OR2L13: variants seen among roughly 807,000 people sequenced by gnomAD.
OR2L13 encodes olfactory receptor 2L13.
In OR2L13, 14 loss-of-function variants were observed where a neutral mutation model predicts 15.3. That is an observed-to-expected ratio of 0.91 (90% CI 0.60 to 1.43). The LOEUF is 1.43. Ranked by LOEUF, OR2L13 falls within the 40% of genes most tolerant of loss-of-function variation. The pLI is 0.00. For synonymous variants in OR2L13, 152 were observed against 142.9 expected (o/e 1.06, Z -0.45); for missense variants, 367 against 387.9 (o/e 0.95, Z 0.45).
chr1:248,010,524 GT>G, the OR2L13 span, among the ~76,000 whole-genome samples: 1 of 152,028 alleles, frequency 6.6e-6, no homozygotes, highest in Non-Finnish European at 1.5e-5. Flanking sequence ...TGACAATGGG[GT>G]GTTAAAGTCT....
the OR2L13 span, among the ~76,000 whole-genome samples, chr1:248,002,888 C>T: frequency 1.3e-5 from 2 of 152,034 alleles, no homozygotes; most frequent in Non-Finnish European, 2.9e-5. Flanking sequence ...TGGATTCCCC[C>T]CTTTTCAATT....
the OR2L13 span, among the ~76,000 whole-genome samples, chr1:247,946,024 C>T: frequency 2.0e-5 from 3 of 152,054 alleles, no homozygotes; most frequent in Admixed American, 1.3e-4. Flanking sequence ...CTTCTTTAAT[C>T]GCTGTAATCA....
the OR2L13 span, among the ~76,000 whole-genome samples, chr1:248,069,754 G>A: frequency 6.6e-6 from 1 of 152,012 alleles, no homozygotes; most frequent in African/African-American, 2.4e-5. Context: ...GACACACATA[G>A]GCTCAAAATA....
the OR2L13 span, among the ~76,000 whole-genome samples, chr1:247,977,563 G>A: frequency 6.6e-6 from 1 of 152,070 alleles, no homozygotes; most frequent in Non-Finnish European, 1.5e-5. Flanking sequence ...ATAAAGTGAA[G>A]AAAACTAAAT....
the OR2L13 span, among the ~76,000 whole-genome samples, chr1:247,985,798 C>A: frequency 1.3e-5 from 2 of 152,074 alleles, no homozygotes; most frequent in Non-Finnish European, 2.9e-5. Flanking sequence ...TAATGATCGC[C>A]ATTCTAACTG....
At chr1:248,076,912 T>C in the OR2L13 span, among the ~76,000 whole-genome samples, 2 of 152,232 alleles carry the variant, frequency 1.3e-5, no homozygotes, top group African/African-American at 4.8e-5. Context: ...GGCATCCTTG[T>C]CTTGTGCCAG....
the OR2L13 span, among the ~76,000 whole-genome samples, chr1:248,066,270 T>C: frequency 6.6e-6 from 1 of 152,216 alleles, no homozygotes; most frequent in Non-Finnish European, 1.5e-5. Context: ...TGCTTTTCCC[T>C]CGTTAATCTG....
exon 3 of OR2L13, chr1:248,099,934 G>T (rs1664819645): frequency 6.2e-7 from 1 of 1,614,062 alleles, no homozygotes; most frequent in Middle Eastern, 1.7e-4. Context: ...GTTGCTTCTT[G>T]CCTGTACAGA....
chr1:247,971,313 G>A, the OR2L13 span, among the ~76,000 whole-genome samples: 5,523 of 152,162 alleles, frequency 0.036, 301 homozygotes, highest in African/African-American at 0.12. Flanking sequence ...CGAGATCCAG[G>A]TTGGCAGGTC....
chr1:247,953,497 ATCTT>A, the OR2L13 span, among the ~76,000 whole-genome samples: 2 of 152,222 alleles, frequency 1.3e-5, no homozygotes, highest in African/African-American at 2.4e-5. Flanking sequence ...AAGGATGAGT[ATCTT>A]TCTCATCACA....
At chr1:248,000,109 C>CT in the OR2L13 span, among the ~76,000 whole-genome samples, 836 of 123,910 alleles carry the variant, frequency 6.7e-3, 7 homozygotes, top group South Asian at 0.012. Flanking sequence ...CTTTTTCTTT[C>CT]TTTTTTTTTT....
At chr1:247,990,271 A>G in the OR2L13 span, 3 of 926,238 alleles carry the variant, frequency 3.2e-6, no homozygotes, top group Non-Finnish European at 5.3e-6. Flanking sequence ...TGCTCCATGG[A>G]AAATTACAAT....
At chr1:247,987,398 T>C in the OR2L13 span, among the ~76,000 whole-genome samples, 1 of 152,188 alleles carries the variant, frequency 6.6e-6, no homozygotes, top group South Asian at 2.1e-4. Context: ...GAACTTCCAA[T>C]AATATGTTGA....
the OR2L13 span, among the ~76,000 whole-genome samples, chr1:247,957,269 A>G: frequency 6.6e-6 from 1 of 152,220 alleles, no homozygotes; most frequent in South Asian, 2.1e-4. Flanking sequence ...ATGTTGAACC[A>G]ACCTTGCATC....
At chr1:248,076,573 G>A in the OR2L13 span, among the ~76,000 whole-genome samples, 4 of 152,284 alleles carry the variant, frequency 2.6e-5, no homozygotes, top group Admixed American at 6.5e-5. Flanking sequence ...TCCCTTGTAA[G>A]TTGGATTCCT....
chr1:248,069,520 A>T, the OR2L13 span, among the ~76,000 whole-genome samples: 1 of 152,224 alleles, frequency 6.6e-6, no homozygotes, highest in Non-Finnish European at 1.5e-5. Flanking sequence ...CTGCAAAATC[A>T]TGCCAAATTG....
the OR2L13 span, among the ~76,000 whole-genome samples, chr1:248,043,966 C>T: frequency 4.6e-5 from 7 of 152,096 alleles, no homozygotes; most frequent in East Asian, 1.9e-4. Context: ...CTTAGGATGT[C>T]GGGATATCTG....
At chr1:247,997,858 T>C in the OR2L13 span, among the ~76,000 whole-genome samples, 2 of 152,138 alleles carry the variant, frequency 1.3e-5, no homozygotes, top group Admixed American at 1.3e-4. Flanking sequence ...GCAAAACAAC[T>C]GTTAATCTCA....
chr1:248,082,097 G>A, the OR2L13 span, among the ~76,000 whole-genome samples: 1 of 148,756 alleles, frequency 6.7e-6, no homozygotes, highest in South Asian at 2.1e-4. Flanking sequence ...CAACCCAAAT[G>A]TCCAACAATG....
Sources: gnomAD v4.1 joint callset for allele counts (sites outside exome capture counted in the v4.1 genomes callset) on GRCh38, gnomAD v4.1.1 for gene constraint, MANE v1.5 for transcripts, NCBI Gene and HGNC (gene_info 2026-07-23, HGNC 2026-07-21) for gene names.